The following ANK1 variants were observed in gnomAD, a reference collection of about 807,000 sequenced individuals.
ANK1 encodes ankyrin-1.
ANK1 carries 51 observed loss-of-function variants against 210.4 expected under a neutral mutation model. That is an observed-to-expected ratio of 0.24 (90% CI 0.19 to 0.31). ANK1 has a LOEUF of 0.31. ANK1 is among the 10% of genes least tolerant of loss of function. ANK1 has a pLI of 1.00. For missense variants in ANK1, 2,051 were observed against 2,504.4 expected, an observed-to-expected ratio of 0.82 and a Z score of 3.86; for synonymous variants, 967 against 1,025.9, an observed-to-expected ratio of 0.94 and a Z score of 1.10.
At chr8:41,877,969 C>T (rs545719790) in intron 1 of ANK1, among the ~76,000 whole-genome samples, 27 of 152,224 alleles carry the variant, frequency 1.8e-4, no homozygotes, top group Admixed American at 1.1e-3. Context: ...TGGGCAGGAA[C>T]GCTGGGCACA....
At chr8:41,687,532 C>A (rs1818031667) in intron 35 of ANK1, among the ~76,000 whole-genome samples, 1 of 152,234 alleles carries the variant, frequency 6.6e-6, no homozygotes, top group Non-Finnish European at 1.5e-5. Flanking sequence ...CTACACACTC[C>A]AGCCACTCCA....
rs567667710 is a variant in ANK1, at chr8:41,876,877, G to T, written c.126+19478C>A. ...CAGATGGATTTGGTAGAATTTGTTC[G>T]TTTTAATAAAGGCCATTTGATCAAT... On this transcript the variant is annotated intron_variant, in intron 1 of 42. Coordinates refer to the ANK1 transcript ENST00000265709. 1.5e-3 allele frequency among the ~76,000 whole-genome samples: 226 copies of T among 152,230 alleles called. 1 individual carries two copies. Among genetic ancestry groups the T allele is most frequent in the African/African-American group, 5.3e-3 (219 of 41,526 alleles).
At chr8:41,867,937 G>A (rs1814786496) in intron 1 of ANK1, among the ~76,000 whole-genome samples, 1 of 152,210 alleles carries the variant, frequency 6.6e-6, no homozygotes, top group African/African-American at 2.4e-5. Flanking sequence ...TCAGCTCACT[G>A]CAACCTCCAC....
chr8:41,773,875 A>T (rs764427768), intron 1 of ANK1, among the ~76,000 whole-genome samples: 7 of 152,208 alleles, frequency 4.6e-5, no homozygotes, highest in Non-Finnish European at 7.3e-5. Flanking sequence ...CCCAAGTGGC[A>T]AGCCTGCGGG....
In ANK1 at chr8:41,684,559, G is replaced by A. The variant is rs949567309; in HGVS notation, c.4522C>T (p.Pro1508Ser). Residue 1508 changes from proline to serine, a missense_variant, in exon 37 of 43, where the codon CCC becomes TCC. Transcript: ENST00000289734. ...TGACACTCACCATTCATCTGGGAGG[G>A]TGACAGCGAGTAGTCGCGGTCGGTG... is the stretch of plus-strand genomic sequence containing the variant. ...RHTDRDYSLS[P>S]SQMNGYSSLQ... 1.9e-6 allele frequency: 3 copies of A among 1,613,672 alleles called. No individual in the cohort carries two copies. The highest frequency in any genetic ancestry group is 1.7e-5 in the Admixed American group (1 of 60,010).
At chr8:41,721,837 G>A (rs574204061) in intron 9 of ANK1, among the ~76,000 whole-genome samples, 4 of 152,304 alleles carry the variant, frequency 2.6e-5, no homozygotes, top group Admixed American at 1.3e-4. Flanking sequence ...CAGAAAGGTT[G>A]TACGATAGTT....
chr8:41,702,825 T>G (rs1311852293), intron 20 of ANK1, among the ~76,000 whole-genome samples: 1 of 151,748 alleles, frequency 6.6e-6, no homozygotes, highest in East Asian at 1.9e-4. Flanking sequence ...GAGTCCACTT[T>G]TGTGTGTGTG....
chr8:41,860,937 A>ACTGCTGCTTCCAGAAAACTCCT (rs1316885935), intron 1 of ANK1, among the ~76,000 whole-genome samples: 1 of 152,218 alleles, frequency 6.6e-6, no homozygotes, highest in Non-Finnish European at 1.5e-5. Flanking sequence ...TATGAACAGA[A>ACTGCTGCTTCCAGAAAACTCCT]CTGCTGCTTC....
At chr8:41,833,524 C>T (rs190917128) in intron 1 of ANK1, among the ~76,000 whole-genome samples, 103 of 152,196 alleles carry the variant, frequency 6.8e-4, no homozygotes, top group Non-Finnish European at 9.7e-4. Context: ...TAAACGGAAG[C>T]GTGGGGATTT....
At chr8:41,763,230 T>A (rs935005888) in intron 1 of ANK1, among the ~76,000 whole-genome samples, 9 of 120,352 alleles carry the variant, frequency 7.5e-5, no homozygotes, top group East Asian at 2.6e-4. Flanking sequence ...AAAAAAAAAA[T>A]TTATGACAGA....
intron 1 of ANK1, among the ~76,000 whole-genome samples, chr8:41,847,480 G>T (rs1228010297): frequency 6.6e-6 from 1 of 150,504 alleles, no homozygotes; most frequent in East Asian, 1.9e-4. Flanking sequence ...AAGCATCCAC[G>T]AGCTGCTACG....
chr8:41,806,721 G>T (rs760158652), intron 1 of ANK1, among the ~76,000 whole-genome samples: 1 of 152,148 alleles, frequency 6.6e-6, no homozygotes, highest in Non-Finnish European at 1.5e-5. Context: ...CTCCAGCCTT[G>T]GCAACAGAGC....
intron 15 of ANK1, 57 bp downstream of exon 15, chr8:41,714,919 T>C (rs1238671503): frequency 2.0e-6 from 3 of 1,529,944 alleles, no homozygotes; most frequent in Middle Eastern, 1.7e-4. Context: ...CTGATGTCCA[T>C]CCTCTGTCCT....
In ANK1 at chr8:41,694,786, C is replaced by T. The variant is rs777921873; in HGVS notation, c.3133G>A (p.Glu1045Lys). 6.2e-7 allele frequency: 1 copy of T among 1,614,156 alleles called. No individual in the cohort carries two copies. The highest frequency in any genetic ancestry group is 1.1e-5 in the South Asian group (1 of 91,070). Reference sequence around the variant, plus strand: ...CGGCACACCCTCTTCTTCTCTAGCTCCTCCAGGCTCCCCAGCTCTGGAATC... The same window carrying T: ...CGGCACACCCTCTTCTTCTCTAGCTTCTCCAGGCTCCCCAGCTCTGGAATC... ...GMDEELGSLEELEKKRVCRII... is the reference protein window; with the variant it reads ...GMDEELGSLEKLEKKRVCRII... The change falls in exon 28 of 43, where the codon GAG (glutamate) becomes AAG (lysine). Residue 1045 changes from glutamate to lysine, a missense_variant. Physicochemically the swap from Glu to Lys is moderately conservative, Grantham distance 56 (BLOSUM62 1). Around this residue, in one of 6 missense-constraint regions of ANK1, gnomAD observed 1,413 missense variants for 1,707.4 expected, o/e 0.83. Coordinates refer to ENST00000289734, the MANE Select transcript of ANK1 (RefSeq NM_000037.4). This position sits in a 1 kb window ranked among gnomAD's most constrained non-coding sequence, Gnocchi z 5.7.
chr8:41,886,995 C>T (rs971177229), intron 1 of ANK1, among the ~76,000 whole-genome samples: 23 of 152,258 alleles, frequency 1.5e-4, no homozygotes, highest in Non-Finnish European at 2.5e-4. Context: ...TTGGGGGCCA[C>T]GCTTCAGCTC....
In ANK1 at chr8:41,674,796, AG is replaced by A. The variant is rs1028916112; in HGVS notation, c.4538-1885del. ...GGGGTGGTTGGGAGAAGGGCTGCAC[AG>A]CGGCAGAGACTGAGGGAAACCCCTT... On this transcript the variant is annotated intron_variant, in intron 37 of 42. Coordinates refer to ENST00000289734, the MANE Select transcript of ANK1 (RefSeq NM_000037.4). 1.4e-3 allele frequency among the ~76,000 whole-genome samples: 207 copies of A among 152,344 alleles called. 2 individuals carry two copies. Among genetic ancestry groups the A allele is most frequent in the African/African-American group, 4.5e-3 (187 of 41,584 alleles).
chr8:41,742,707 G>C (rs1231669557), intron 2 of ANK1, among the ~76,000 whole-genome samples: 1 of 152,218 alleles, frequency 6.6e-6, no homozygotes. Context: ...AGATATTATG[G>C]GGATGGAAGG....
At chr8:41,755,470 T>G (rs1380019601) in intron 2 of ANK1, among the ~76,000 whole-genome samples, 3 of 152,218 alleles carry the variant, frequency 2.0e-5, no homozygotes, top group African/African-American at 7.2e-5. Flanking sequence ...TCACCTCCGC[T>G]GAGAACTGCA....
intron 3 of ANK1, among the ~76,000 whole-genome samples, chr8:41,728,305 G>C (rs1356796104): frequency 6.6e-6 from 1 of 152,334 alleles, no homozygotes; most frequent in East Asian, 1.9e-4. Flanking sequence ...TAACTTACAT[G>C]AAGCAACTCA....
Sources: allele counts gnomAD v4.1 joint callset (sites outside exome capture counted in the v4.1 genomes callset), GRCh38; gene constraint gnomAD v4.1.1; regional missense constraint gnomAD v4.1.1; non-coding constraint Gnocchi (gnomAD v3.1); transcripts MANE v1.5; gene names NCBI Gene and HGNC (gene_info 2026-07-23, HGNC 2026-07-21).